MBNL2: variants seen among roughly 807,000 people sequenced by gnomAD.
MBNL2 encodes muscleblind like splicing regulator 2, also known as muscleblind-like protein 2.
MBNL2 carries 17 observed loss-of-function variants against 41.9 expected under a neutral mutation model. The observed-to-expected ratio is 0.41, with a 90% CI of 0.28 to 0.61. The LOEUF is 0.61. MBNL2 is among the 20% of genes least tolerant of loss of function. The probability of loss-of-function intolerance (pLI) is 0.35; values close to 1 mark genes in which losing one functional copy is unlikely to be tolerated. For synonymous variants in MBNL2, 195 were observed against 182.9 expected, an observed-to-expected ratio of 1.07 and a Z score of -0.53; for missense variants, 336 against 505.6, an observed-to-expected ratio of 0.66 and a Z score of 3.22.
intron 2 of MBNL2, among the ~76,000 whole-genome samples, chr13:97,298,400 G>C (rs1431332115): frequency 6.6e-6 from 1 of 152,130 alleles, no homozygotes; most frequent in African/African-American, 2.4e-5. Flanking sequence ...CAGGAACCTT[G>C]TTTTGCCTTC....
chr13:97,315,635 T>C (rs1333471495), intron 2 of MBNL2, among the ~76,000 whole-genome samples: 2 of 151,936 alleles, frequency 1.3e-5, no homozygotes, highest in South Asian at 2.1e-4. Context: ...GGGACCAAAA[T>C]AGAGGAATGG....
At chr13:97,149,280 A>T in the MBNL2 span, among the ~76,000 whole-genome samples, 2 of 152,174 alleles carry the variant, frequency 1.3e-5, no homozygotes, top group Non-Finnish European at 2.9e-5. Context: ...ACCTTGTCTT[A>T]AGTGAAGTGC....
the MBNL2 span, among the ~76,000 whole-genome samples, chr13:97,152,858 TAC>T: frequency 1.3e-4 from 20 of 152,006 alleles, no homozygotes; most frequent in Non-Finnish European, 2.4e-4. Context: ...AGTAATCAAG[TAC>T]AGACAGGCAC....
At chr13:97,329,478 C>CT (rs2060187002) in intron 2 of MBNL2, among the ~76,000 whole-genome samples, 1 of 150,322 alleles carries the variant, frequency 6.7e-6, no homozygotes, top group Non-Finnish European at 1.5e-5. Context: ...CTTCTTCCTG[C>CT]TTCACCTCTT....
chr13:97,361,496 A>G (rs948342440), intron 7 of MBNL2, among the ~76,000 whole-genome samples: 2 of 152,224 alleles, frequency 1.3e-5, no homozygotes, highest in Admixed American at 6.5e-5. Flanking sequence ...CCACACATGC[A>G]TAAGTTATGC....
At chr13:97,158,315 T>A in the MBNL2 span, among the ~76,000 whole-genome samples, 1 of 151,044 alleles carries the variant, frequency 6.6e-6, no homozygotes, top group African/African-American at 2.4e-5. Context: ...GCTAGCGGTC[T>A]ATCAATTTTG....
At chr13:97,180,099 G>A in the MBNL2 span, among the ~76,000 whole-genome samples, 10 of 152,210 alleles carry the variant, frequency 6.6e-5, no homozygotes, top group Non-Finnish European at 1.5e-4. Flanking sequence ...GTAGAATTAA[G>A]GTGGTGAAGA....
At chr13:97,383,889 T>C (rs1028000458) in intron 8 of MBNL2, among the ~76,000 whole-genome samples, 3 of 151,502 alleles carry the variant, frequency 2.0e-5, no homozygotes, top group Admixed American at 6.6e-5. Flanking sequence ...ATCTCTGAGC[T>C]TTTTATATAA....
At chr13:97,277,382 T>C (rs2052379300) in intron 2 of MBNL2, among the ~76,000 whole-genome samples, 1 of 152,202 alleles carries the variant, frequency 6.6e-6, no homozygotes, top group African/African-American at 2.4e-5. Flanking sequence ...CTGCAAGACT[T>C]CAGCAAGGTT....
chr13:97,259,923 A>G (rs1469858669), intron 1 of MBNL2, among the ~76,000 whole-genome samples: 1 of 152,186 alleles, frequency 6.6e-6, no homozygotes, highest in Non-Finnish European at 1.5e-5. Flanking sequence ...CACTCAGCAA[A>G]TATCTATTCA....
At chr13:97,329,733 AAC>A in intron 2 of MBNL2, among the ~76,000 whole-genome samples, 2 of 10,270 alleles carry the variant, frequency 1.9e-4, no homozygotes, top group Non-Finnish European at 4.5e-4. Context: ...CACAACATAC[AAC>A]ACATACACCA....
At chr13:97,345,042 C>T (rs998428452) in intron 4 of MBNL2, among the ~76,000 whole-genome samples, 3 of 140,510 alleles carry the variant, frequency 2.1e-5, no homozygotes, top group Non-Finnish European at 4.9e-5. Context: ...TTATTTTGCG[C>T]ATTTTATGAA....
the MBNL2 span, among the ~76,000 whole-genome samples, chr13:97,154,864 TCACC>T: frequency 2.0e-5 from 3 of 151,884 alleles, no homozygotes; most frequent in Non-Finnish European, 4.4e-5. Flanking sequence ...CAACTAAAAT[TCACC>T]TTGGCTGAAA....
chr13:97,216,749 A>G (rs182137411), upstream of MBNL2, among the ~76,000 whole-genome samples: 248 of 152,284 alleles, frequency 1.6e-3, 2 homozygotes, highest in African/African-American at 5.8e-3. Flanking sequence ...TATGCCCAGC[A>G]AAGGAGATTA....
chr13:97,197,375 A>C, the MBNL2 span, among the ~76,000 whole-genome samples: 1 of 152,224 alleles, frequency 6.6e-6, no homozygotes, highest in Non-Finnish European at 1.5e-5. Context: ...TCTTTGGTTA[A>C]AAATGATTTC....
intron 2 of MBNL2, among the ~76,000 whole-genome samples, chr13:97,289,256 T>C (rs2152968266): frequency 6.6e-6 from 1 of 152,348 alleles, no homozygotes; most frequent in African/African-American, 2.4e-5. Flanking sequence ...TCTTAAAAAA[T>C]GACCATCTGG....
intron 8 of MBNL2, among the ~76,000 whole-genome samples, chr13:97,376,215 G>A (rs1335997428): frequency 6.6e-6 from 1 of 152,170 alleles, no homozygotes; most frequent in African/African-American, 2.4e-5. Context: ...GAAATTCAGA[G>A]AGGCTCCATG....
chr13:97,393,976 T>TTATTTGTA lies in MBNL2; in HGVS notation c.*2528_*2529insATTTGTAT, dbSNP rs2066460425. ...CACTGGTAACATTTCTACTAAATCT[T>TTATTTGTA]TCTGTAACACTTAAAGAATTCCCTC... On this transcript the variant is annotated 3_prime_UTR_variant, in exon 9 of 9. Transcript: ENST00000679496. 20 of 152,718 alleles carry TTATTTGTA rather than the reference T, an allele frequency of 1.3e-4. No individual in the cohort carries two copies. The highest frequency in any genetic ancestry group is 9.8e-4 in the Admixed American group (15 of 15,284). The allele number at this position is 152,718 out of a possible 1,614,324, so 9.5% of individuals were successfully genotyped here.
the MBNL2 span, chr13:97,172,806 C>G: frequency 2.2e-4 from 34 of 152,108 alleles, 1 homozygote; most frequent in African/African-American, 8.2e-4. Flanking sequence ...TGTAAGTCTC[C>G]CATCTCTTCC....
Sources: allele counts gnomAD v4.1 joint callset (sites outside exome capture counted in the v4.1 genomes callset), GRCh38; gene constraint gnomAD v4.1.1; transcripts MANE v1.5; gene names NCBI Gene and HGNC (gene_info 2026-07-23, HGNC 2026-07-21).